Variants in GPR158 observed in about 807,000 individuals in gnomAD.
GPR158 encodes metabotropic glycine receptor.
GPR158 carries 30 observed loss-of-function variants against 78.2 expected under a neutral mutation model. The ratio of observed to expected loss-of-function variants is 0.38; its 90% CI spans 0.29 to 0.52. The LOEUF is 0.52. Among genes scored for constraint, GPR158 ranks in the 20% least tolerant of loss-of-function variants. The pLI, the probability that GPR158 is intolerant of heterozygous loss-of-function variation, is 0.83. For synonymous variants in GPR158, 581 were observed against 591.1 expected, an observed-to-expected ratio of 0.98 and a Z score of 0.25; for missense variants, 1,463 against 1,523.5, an observed-to-expected ratio of 0.96 and a Z score of 0.66.
chr10:25,367,544 G>A (rs1198421537), intron 2 of GPR158, among the ~76,000 whole-genome samples: 2 of 151,676 alleles, frequency 1.3e-5, no homozygotes, highest in Admixed American at 1.3e-4. Flanking sequence ...AGTTATTATA[G>A]CCATAGATGA....
At chr10:25,294,008 G>T (rs1253164607) in intron 2 of GPR158, among the ~76,000 whole-genome samples, 1 of 152,152 alleles carries the variant, frequency 6.6e-6, no homozygotes, top group Non-Finnish European at 1.5e-5. Context: ...GCCTCCCAAA[G>T]TGCGGGATTA....
chr10:25,585,699 C>T (rs1837257503), intron 7 of GPR158, among the ~76,000 whole-genome samples: 1 of 152,188 alleles, frequency 6.6e-6, no homozygotes, highest in Non-Finnish European at 1.5e-5. Flanking sequence ...TTGGAACGGG[C>T]CAGGAGTGGT....
intron 2 of GPR158, among the ~76,000 whole-genome samples, chr10:25,285,000 T>C (rs1218555311): frequency 2.0e-5 from 3 of 152,086 alleles, no homozygotes; most frequent in Non-Finnish European, 2.9e-5. Flanking sequence ...AGTTATCTTT[T>C]AGATAATATA....
intron 4 of GPR158, among the ~76,000 whole-genome samples, chr10:25,446,561 C>A (rs1259880695): frequency 6.6e-6 from 1 of 152,092 alleles, no homozygotes; most frequent in Admixed American, 6.5e-5. Flanking sequence ...CATGTGTATT[C>A]ATTTCAGAAC....
chr10:25,187,538 A>T (rs1852705664), intron 1 of GPR158, among the ~76,000 whole-genome samples: 1 of 152,208 alleles, frequency 6.6e-6, no homozygotes, highest in Admixed American at 6.5e-5. Context: ...AAACCACATG[A>T]TTATCTCAAT....
chr10:25,389,213 C>A (rs528728581), intron 2 of GPR158, among the ~76,000 whole-genome samples: 57 of 152,246 alleles, frequency 3.7e-4, no homozygotes, highest in Non-Finnish European at 7.5e-4. Flanking sequence ...ACCCATGGAC[C>A]AATGGACATG....
intron 2 of GPR158, among the ~76,000 whole-genome samples, chr10:25,314,885 A>ATATATG (rs1329409723): frequency 4.8e-4 from 58 of 119,902 alleles, no homozygotes; most frequent in Non-Finnish European, 6.4e-4. Context: ...ATATATATAT[A>ATATATG]TGACTAATGA....
At chr10:25,522,087 TATA>T (rs1311026717) in intron 5 of GPR158, among the ~76,000 whole-genome samples, 4 of 152,192 alleles carry the variant, frequency 2.6e-5, no homozygotes, top group African/African-American at 4.8e-5. Context: ...AGAACTGAGT[TATA>T]ATTCTGGTGT....
intron 4 of GPR158, among the ~76,000 whole-genome samples, chr10:25,435,902 T>C (rs2130582598): frequency 6.6e-6 from 1 of 152,210 alleles, no homozygotes; most frequent in Middle Eastern, 3.4e-3. Context: ...TTTTTGGAGA[T>C]AGAATTGGCA....
intron 4 of GPR158, among the ~76,000 whole-genome samples, chr10:25,424,944 G>T (rs1588857128): frequency 6.6e-6 from 1 of 152,138 alleles, no homozygotes; most frequent in South Asian, 2.1e-4. Flanking sequence ...GCTTGATGGG[G>T]ATGGCATTGA....
chr10:25,353,475 A>G (rs1855502741), intron 2 of GPR158, among the ~76,000 whole-genome samples: 1 of 148,784 alleles, frequency 6.7e-6, no homozygotes, highest in Admixed American at 6.6e-5. Context: ...TTAAAGTATA[A>G]TAATAATAAA....
At chr10:25,578,839 C>T (rs1447872163) in intron 7 of GPR158, among the ~76,000 whole-genome samples, 2 of 151,880 alleles carry the variant, frequency 1.3e-5, no homozygotes, top group Admixed American at 6.6e-5. Context: ...AACCCCATCT[C>T]TACTAAAAAT....
intron 2 of GPR158, among the ~76,000 whole-genome samples, chr10:25,315,909 T>C (rs1048482912): frequency 6.6e-6 from 1 of 152,180 alleles, no homozygotes; most frequent in Non-Finnish European, 1.5e-5. Flanking sequence ...TGTAGATTGC[T>C]AAAGAAGGGC....
chr10:25,213,252 T>TA (rs964429369), intron 1 of GPR158, among the ~76,000 whole-genome samples: 1 of 151,956 alleles, frequency 6.6e-6, no homozygotes. Flanking sequence ...GGGAACATCT[T>TA]AAAAAAAACT....
intron 2 of GPR158, among the ~76,000 whole-genome samples, chr10:25,330,670 T>C (rs1456612215): frequency 6.6e-6 from 1 of 152,198 alleles, no homozygotes; most frequent in Non-Finnish European, 1.5e-5. Context: ...TAAACCTTTT[T>C]TTTCCTTCAT....
intron 1 of GPR158, among the ~76,000 whole-genome samples, chr10:25,177,820 T>C (rs1852560412): frequency 6.6e-6 from 1 of 152,234 alleles, no homozygotes; most frequent in Admixed American, 6.5e-5. Context: ...TGTCTTTGCC[T>C]GTGTTTCTAT....
chr10:25,373,796 C>G (rs1161842055), intron 2 of GPR158, among the ~76,000 whole-genome samples: 1 of 151,828 alleles, frequency 6.6e-6, no homozygotes, highest in African/African-American at 2.4e-5. Flanking sequence ...GGAACATACT[C>G]TCTATTGTTT....
At chr10:25,271,960 T>C (rs1854123871) in intron 2 of GPR158, among the ~76,000 whole-genome samples, 2 of 152,266 alleles carry the variant, frequency 1.3e-5, no homozygotes, top group East Asian at 1.9e-4. Context: ...ATTATTATGA[T>C]TTCTTTGTGG....
At chr10:25,188,566 A>T (rs1199996615) in intron 1 of GPR158, among the ~76,000 whole-genome samples, 3 of 152,256 alleles carry the variant, frequency 2.0e-5, no homozygotes, top group African/African-American at 4.8e-5. Context: ...GTGCTGGGAA[A>T]ACTGGCTAGC....
Sources: gnomAD v4.1 joint callset for allele counts (sites outside exome capture counted in the v4.1 genomes callset) on GRCh38, gnomAD v4.1.1 for gene constraint, MANE v1.5 for transcripts, NCBI Gene and HGNC (gene_info 2026-07-23, HGNC 2026-07-21) for gene names.